The following LDHA variants were observed in gnomAD, a reference collection of about 807,000 sequenced individuals.
The protein encoded by LDHA is lactate dehydrogenase A.
In LDHA, 10 loss-of-function variants were observed where a neutral mutation model predicts 36.3. The ratio of observed to expected loss-of-function variants is 0.28; its 90% CI spans 0.17 to 0.47. The LOEUF (loss-of-function observed/expected upper bound fraction) is 0.47. Ranked by LOEUF, LDHA falls within the 20% of genes least tolerant of loss-of-function variation. The probability of loss-of-function intolerance (pLI) is 0.99; values close to 1 mark genes in which losing one functional copy is unlikely to be tolerated. For synonymous variants in LDHA, 110 were observed against 136.7 expected, an observed-to-expected ratio of 0.80 and a Z score of 1.36; for missense variants, 267 against 405.8, an observed-to-expected ratio of 0.66 and a Z score of 2.94.
At chr11:18,400,332 G>T in intron 3 of LDHA, 1 of 234,382 alleles carries the variant, frequency 4.3e-6, no homozygotes. Flanking sequence ...TTCATCACTG[G>T]TTTAACTCTC....
chr11:18,394,614 C>G lies in LDHA; in HGVS notation c.-47C>G, dbSNP rs1241121842. The G allele has an allele frequency of 1.3e-5, 6 of 454,026 alleles. No individual in the cohort carries two copies. Among genetic ancestry groups the G allele is most frequent in the Non-Finnish European group, 2.6e-5 (6 of 226,804 alleles). 28.1% of individuals were successfully genotyped at this position (454,026 alleles called of 1,614,324 possible). On this transcript the variant is annotated 5_prime_UTR_variant, in exon 1 of 8. Coordinates refer to ENST00000422447, the MANE Select transcript of LDHA (RefSeq NM_005566.4). ...GGATCTCATTGCCACGCGCCCCCGACGACCGCCCGACGTGCATTCCCGGTA... is the reference window on the plus strand; with the variant it reads ...GGATCTCATTGCCACGCGCCCCCGAGGACCGCCCGACGTGCATTCCCGGTA...
chr11:18,405,312 T>C lies in LDHA; in HGVS notation c.711-137T>C. 3.5e-6 allele frequency: 3 copies of C among 845,602 alleles called. No homozygotes were observed. The South Asian group carries it at 4.1e-5, about 11-fold the overall frequency. 52.4% of individuals were successfully genotyped at this position (845,602 alleles called of 1,614,324 possible). ...TGTACATAATATCCTAGCATACATG[T>C]GTGCAAGGGTTATTCTTGGTATAAT... On this transcript the variant is annotated intron_variant, in intron 6 of 7. Coordinates refer to ENST00000422447, the MANE Select transcript of LDHA (RefSeq NM_005566.4).
chr11:18,400,565 T>TA, intron 3 of LDHA: 1 of 390,192 alleles, frequency 2.6e-6, no homozygotes, highest in Non-Finnish European at 4.8e-6. Context: ...AGCTTGGGGA[T>TA]CAAAAATTTG....
At chr11:18,396,486 G>T in intron 1 of LDHA, 1 of 801,930 alleles carries the variant, frequency 1.2e-6, no homozygotes, top group South Asian at 4.3e-5. Context: ...GTAGGAGCCG[G>T]AGTAGCTCAG....
At chr11:18,401,723 C>T (rs556330123) in intron 4 of LDHA, among the ~76,000 whole-genome samples, 2 of 143,938 alleles carry the variant, frequency 1.4e-5, no homozygotes, top group Admixed American at 7.0e-5. Context: ...GTGATCTGCC[C>T]GCCTTGGCCT....
In LDHA at chr11:18,400,927, G is replaced by C. The variant is rs771653478; in HGVS notation, c.335G>C (p.Arg112Pro). Reference sequence around the variant, plus strand: ...GAAAGCCGTCTTAATTTGGTCCAGCGTAACGTGAACATCTTTAAATTCATC... The same window carrying C: ...GAAAGCCGTCTTAATTTGGTCCAGCCTAACGTGAACATCTTTAAATTCATC... The part of the protein sequence containing the change: ...EGESRLNLVQ[R>P]NVNIFKFIIP... Residue 112 changes from arginine to proline, a missense_variant, in exon 4 of 8, where the codon CGT (arginine) becomes CCT (proline). Arg to Pro is a moderately radical substitution (Grantham distance 103). Coordinates refer to ENST00000422447, the MANE Select transcript of LDHA (RefSeq NM_005566.4). The C allele has an allele frequency of 3.1e-6, 5 of 1,613,014 alleles. No homozygotes were observed. Among genetic ancestry groups the C allele is most frequent in the Non-Finnish European group, 4.2e-6 (5 of 1,179,224 alleles).
In LDHA at chr11:18,401,634, C is replaced by T. The variant is rs1404877605; in HGVS notation, c.418+624C>T. On this transcript the variant is annotated intron_variant, in intron 4 of 7. Transcript: ENST00000422447. ...CTGGGACTACAGGTGCCCACCACGA[C>T]GCCTGGCTAATTTTTTGTATTTTTA... Among the ~76,000 whole-genome samples, 6 of 151,100 alleles carry T rather than the reference C, an allele frequency of 4.0e-5. No homozygotes were observed. The East Asian group carries it at 5.9e-4, about 15-fold the overall frequency.
At chr11:18,406,033 T>A (rs1866670503) in intron 7 of LDHA, among the ~76,000 whole-genome samples, 2 of 152,200 alleles carry the variant, frequency 1.3e-5, no homozygotes, top group Admixed American at 1.3e-4. Context: ...GTGGCCGATC[T>A]CGGCTCACCG....
chr11:18,401,473 CTTTTTTTTT>C (rs58157049), intron 4 of LDHA, among the ~76,000 whole-genome samples: 5,367 of 68,708 alleles, frequency 0.078, 339 homozygotes, highest in East Asian at 0.42. Flanking sequence ...ATTTATTTTT[CTTTTTTTTT>C]TTTTTTTTTT....
At chr11:18,397,094 A>G in intron 2 of LDHA, 126 bp downstream of exon 2, 1 of 850,788 alleles carries the variant, frequency 1.2e-6, no homozygotes, top group Admixed American at 2.2e-5. Flanking sequence ...TCATTCGGAT[A>G]ACTTTCTGTG....
chr11:18,400,731 C>CT (rs1490197839), intron 3 of LDHA, 106 bp from the exon 4 acceptor site: 7 of 803,534 alleles, frequency 8.7e-6, no homozygotes, highest in East Asian at 5.1e-5. Context: ...TGATAAAACT[C>CT]TAAGAACAAG....
rs6486424 is a variant in LDHA, at chr11:18,405,109, A to T, written c.711-340A>T. On this transcript the variant is annotated intron_variant, in intron 6 of 7. Coordinates refer to ENST00000422447, the MANE Select transcript of LDHA (RefSeq NM_005566.4). The stretch of plus-strand genomic sequence containing the variant: ...ATCTTGGATTTCTTTTTAAAATTCA[A>T]TATTATATTTTTAAGAATTATCCAA... 0.49 allele frequency among the ~76,000 whole-genome samples: 74,165 copies of T among 152,000 alleles called. 19,451 individuals are homozygous for T. The highest frequency in any genetic ancestry group is 0.61 in the South Asian group (2,962 of 4,818).
rs1866744332 is a variant in LDHA, at chr11:18,407,617, C to T, written c.*336C>T. The T allele has an allele frequency of 1.6e-6, 1 of 637,460 alleles. No individual in the cohort carries two copies. Among genetic ancestry groups the T allele is most frequent in the East Asian group, 3.2e-5 (1 of 31,368 alleles). 39.5% of individuals were successfully genotyped at this position (637,460 alleles called of 1,614,324 possible). ...CGTGTGTTATATAACTTCCTGGCTC[C>T]TTCACTGAACATGCCTAGTCCAACA... On this transcript the variant is annotated 3_prime_UTR_variant, in exon 8 of 8. Coordinates refer to ENST00000422447, the MANE Select transcript of LDHA (RefSeq NM_005566.4).
At chr11:18,400,583 G>C (rs1866450404) in intron 3 of LDHA, 1 of 521,444 alleles carries the variant, frequency 1.9e-6, no homozygotes, top group Admixed American at 2.7e-5. Context: ...TTGAGGATAT[G>C]TAAGAAATTA....
At chr11:18,396,632 A>C (rs901780737) in intron 1 of LDHA, 187 bp from the exon 2 acceptor site, 6 of 1,415,456 alleles carry the variant, frequency 4.2e-6, no homozygotes, top group Admixed American at 6.1e-5. Context: ...CACTCTTCAC[A>C]GACCCTGTCA....
intron 2 of LDHA, 120 bp from the exon 3 acceptor site, chr11:18,399,311 G>A (rs1832001952): frequency 6.7e-6 from 5 of 748,450 alleles, no homozygotes; most frequent in South Asian, 1.5e-5. Flanking sequence ...TGAATATCTC[G>A]ATACTGTACT....
rs764991833 is a variant in LDHA at position 18,394,616 on chromosome 11, A to G, written c.-45A>G. Reference sequence around the variant, plus strand: ...ATCTCATTGCCACGCGCCCCCGACGACCGCCCGACGTGCATTCCCGGTACG... The same window carrying G: ...ATCTCATTGCCACGCGCCCCCGACGGCCGCCCGACGTGCATTCCCGGTACG... On this transcript the variant is annotated 5_prime_UTR_variant, in exon 1 of 8. Transcript: ENST00000422447. The G allele has an allele frequency of 2.2e-6, 1 of 453,952 alleles. No individual in the cohort carries two copies. The allele number at this position is 453,952 out of a possible 1,614,324, so 28.1% of individuals were successfully genotyped here. A position where few individuals can be genotyped will look rare whatever the true frequency, so the allele number is the denominator to read the frequency against.
At chr11:18,405,411 GC>G in intron 6 of LDHA, 37 bp from the exon 7 acceptor site, 1 of 1,609,364 alleles carries the variant, frequency 6.2e-7, no homozygotes, top group Non-Finnish European at 8.5e-7. Context: ...CTCCCACCCT[GC>G]TTTTTCTGCC....
intron 1 of LDHA, chr11:18,396,237 A>T (rs1179493130): frequency 3.2e-6 from 1 of 311,814 alleles, no homozygotes; most frequent in Non-Finnish European, 5.8e-6. Flanking sequence ...GCACGCGCAC[A>T]AGTTCCTGGG....
Sources: allele counts gnomAD v4.1 joint callset (sites outside exome capture counted in the v4.1 genomes callset), GRCh38; gene constraint gnomAD v4.1.1; transcripts MANE v1.5; gene names NCBI Gene and HGNC (gene_info 2026-07-23, HGNC 2026-07-21).